CADM2: variants seen among roughly 807,000 people sequenced by gnomAD.
CADM2 encodes cell adhesion molecule 2, also known as immunoglobulin superfamily member 4D.
In CADM2, 12 loss-of-function variants were observed where a neutral mutation model predicts 49.8. The ratio of observed to expected loss-of-function variants is 0.24; its 90% CI spans 0.15 to 0.39. The LOEUF is 0.39. Among genes scored for constraint, CADM2 ranks in the 10% least tolerant of loss-of-function variants. The probability of loss-of-function intolerance (pLI) is 1.00; values close to 1 mark genes in which losing one functional copy is unlikely to be tolerated. For synonymous variants in CADM2, 214 were observed against 175.4 expected, an observed-to-expected ratio of 1.22 and a Z score of -1.74; for missense variants, 378 against 492.3, an observed-to-expected ratio of 0.77 and a Z score of 2.20.
At chr3:85,557,834 C>T (rs1174366060) in intron 1 of CADM2, among the ~76,000 whole-genome samples, 1 of 151,946 alleles carries the variant, frequency 6.6e-6, no homozygotes, top group Non-Finnish European at 1.5e-5. Context: ...GTGCCATGTC[C>T]ACAAGACTTG....
In CADM2 at chr3:85,578,885, A is replaced by G. The variant is rs560252613; in HGVS notation, c.62-147637A>G. Among the ~76,000 whole-genome samples the G allele has an allele frequency of 2.3e-3, 357 of 152,266 alleles. 2 individuals are homozygous for G. The highest frequency in any genetic ancestry group is 4.1e-3 in the Non-Finnish European group (280 of 68,004). Reference sequence around the variant, plus strand: ...TCATTCACACACTCCCATTATATTTATTTGTATTTTAAATTGAAAAGGTGG... The same window carrying G: ...TCATTCACACACTCCCATTATATTTGTTTGTATTTTAAATTGAAAAGGTGG... On this transcript the variant is annotated intron_variant, in intron 1 of 9. Transcript: ENST00000383699.
chr3:85,839,342 T>A (rs2074541363), intron 3 of CADM2, among the ~76,000 whole-genome samples: 1 of 151,872 alleles, frequency 6.6e-6, no homozygotes, highest in Admixed American at 6.6e-5. Context: ...AAAATTCCTA[T>A]TTTTATATCC....
chr3:85,087,873 A>G (rs1340903207), intron 1 of CADM2, among the ~76,000 whole-genome samples: 1 of 152,128 alleles, frequency 6.6e-6, no homozygotes, highest in Non-Finnish European at 1.5e-5. Context: ...GTTTTTTCCA[A>G]AGTTCCCTTA....
chr3:84,997,590 TTTG>T (rs2033246436), intron 1 of CADM2, among the ~76,000 whole-genome samples: 1 of 151,996 alleles, frequency 6.6e-6, no homozygotes, highest in Non-Finnish European at 1.5e-5. Flanking sequence ...TCTTCCATAT[TTTG>T]TTTTGATTTT....
At chr3:85,599,575 A>G (rs1325566444) in intron 1 of CADM2, among the ~76,000 whole-genome samples, 1 of 152,020 alleles carries the variant, frequency 6.6e-6, no homozygotes, top group East Asian at 1.9e-4. Flanking sequence ...TAACAATAAA[A>G]GTGTACTGCC....
intron 7 of CADM2, among the ~76,000 whole-genome samples, chr3:85,959,150 A>ATATCTCTC (rs1724494494): frequency 6.9e-6 from 1 of 145,344 alleles, no homozygotes; most frequent in Non-Finnish European, 1.5e-5. Flanking sequence ...TTATCTATCT[A>ATATCTCTC]TCTCTCTCTC....
At chr3:85,135,250 C>CT (rs1207577310) in intron 1 of CADM2, among the ~76,000 whole-genome samples, 1 of 151,700 alleles carries the variant, frequency 6.6e-6, no homozygotes, top group African/African-American at 2.4e-5. Context: ...TTAGAAAATT[C>CT]TTTTTTCAGA....
chr3:85,016,247 C>A (rs1437269627), intron 1 of CADM2, among the ~76,000 whole-genome samples: 2 of 151,920 alleles, frequency 1.3e-5, no homozygotes, highest in African/African-American at 4.8e-5. Context: ...AAGAAGGGAA[C>A]TGAAGTAAGA....
chr3:85,581,480 C>T (rs1371746162), intron 1 of CADM2, among the ~76,000 whole-genome samples: 2 of 149,304 alleles, frequency 1.3e-5, no homozygotes, highest in African/African-American at 4.9e-5. Context: ...ACATATGAAG[C>T]AAGAGAATAA....
At chr3:85,629,042 A>G (rs1002043620) in intron 1 of CADM2, among the ~76,000 whole-genome samples, 13 of 151,816 alleles carry the variant, frequency 8.6e-5, no homozygotes, top group African/African-American at 3.1e-4. Context: ...ATATGATGTT[A>G]AAATCATTTT....
intron 1 of CADM2, among the ~76,000 whole-genome samples, chr3:85,009,762 A>C (rs767517746): frequency 5.3e-5 from 8 of 151,872 alleles, no homozygotes; most frequent in Non-Finnish European, 1.2e-4. Context: ...GTTACTCGGG[A>C]GGCTGAGGCA....
intron 1 of CADM2, among the ~76,000 whole-genome samples, chr3:85,316,040 G>A (rs1415966345): frequency 6.6e-6 from 1 of 152,072 alleles, no homozygotes. Context: ...TAAGAAAAGT[G>A]TGCCAACAGT....
At chr3:85,332,205 C>A (rs1055839371) in intron 1 of CADM2, among the ~76,000 whole-genome samples, 5 of 152,008 alleles carry the variant, frequency 3.3e-5, no homozygotes, top group African/African-American at 9.7e-5. Context: ...AGATATAAAA[C>A]TAGTCAATAG....
chr3:85,734,675 GTATATTTTAAATATAATATA>G (rs1271923909), intron 2 of CADM2, among the ~76,000 whole-genome samples: 2 of 144,594 alleles, frequency 1.4e-5, no homozygotes, highest in Non-Finnish European at 3.0e-5. Flanking sequence ...AATATAATAT[GTATATTTTAAATATAATATA>G]TATATTTTAA....
At chr3:85,278,874 C>T (rs1390812792) in intron 1 of CADM2, among the ~76,000 whole-genome samples, 1 of 151,360 alleles carries the variant, frequency 6.6e-6, no homozygotes, top group African/African-American at 2.4e-5. Context: ...TTAATTTAGA[C>T]AGATTAACAA....
At chr3:85,528,448 A>G (rs1394514775) in intron 1 of CADM2, among the ~76,000 whole-genome samples, 1 of 152,198 alleles carries the variant, frequency 6.6e-6, no homozygotes, top group Non-Finnish European at 1.5e-5. Context: ...TTCAGCAAAT[A>G]ACTGCATGAC....
intron 2 of CADM2, among the ~76,000 whole-genome samples, chr3:85,750,249 T>C (rs1341448302): frequency 1.3e-5 from 2 of 152,054 alleles, no homozygotes; most frequent in South Asian, 2.1e-4. Flanking sequence ...GTTTTCATCA[T>C]GAATGAGTTT....
At chr3:85,354,453 T>C (rs1374987976) in intron 1 of CADM2, among the ~76,000 whole-genome samples, 1 of 151,316 alleles carries the variant, frequency 6.6e-6, no homozygotes, top group Non-Finnish European at 1.5e-5. Flanking sequence ...TGTATACATA[T>C]GTAACAAACC....
At chr3:85,172,195 T>C (rs2107686568) in intron 1 of CADM2, among the ~76,000 whole-genome samples, 1 of 152,322 alleles carries the variant, frequency 6.6e-6, no homozygotes, top group South Asian at 2.1e-4. Flanking sequence ...ATGGCAGTCA[T>C]GGGTGAGCCC....
Sources: allele counts gnomAD v4.1 joint callset (sites outside exome capture counted in the v4.1 genomes callset), GRCh38; gene constraint gnomAD v4.1.1; transcripts MANE v1.5; gene names NCBI Gene and HGNC (gene_info 2026-07-23, HGNC 2026-07-21).